The following CCR3 variants were observed in gnomAD, a reference collection of about 807,000 sequenced individuals.
The protein encoded by CCR3 is C-C chemokine receptor type 3.
For synonymous variants in CCR3, 203 were observed against 179.2 expected (o/e 1.13, Z -1.06); for missense variants, 419 against 437.5 (o/e 0.96, Z 0.38).
At chr3:46,239,524 C>T (rs1304145374), upstream of CCR3, among the ~76,000 whole-genome samples, 1 of 152,158 alleles carries the variant, frequency 6.6e-6, no homozygotes, top group Non-Finnish European at 1.5e-5. Context: ...CATAAATGGG[C>T]GAGGTGAACC....
chr3:46,219,521 G>A (rs890634786), intron 2 of CCR3, among the ~76,000 whole-genome samples: 1 of 151,994 alleles, frequency 6.6e-6, no homozygotes, highest in African/African-American at 2.4e-5. Flanking sequence ...AGCCCACAAA[G>A]CCAAAGCAAG....
intron 2 of CCR3, among the ~76,000 whole-genome samples, chr3:46,234,079 G>A (rs58697594): frequency 0.18 from 27,755 of 152,224 alleles, 3,192 homozygotes; most frequent in African/African-American, 0.31. Flanking sequence ...GCATCAGGCC[G>A]GCACTGCTCA....
At chr3:46,251,532 C>T (rs1003497400) in intron 1 of CCR3, among the ~76,000 whole-genome samples, 7 of 152,070 alleles carry the variant, frequency 4.6e-5, no homozygotes, top group Non-Finnish European at 1.0e-4. Context: ...GGATCTTTCT[C>T]ACGGAGCAAA....
At chr3:46,220,890 G>C (rs910444124) in intron 2 of CCR3, among the ~76,000 whole-genome samples, 1 of 152,116 alleles carries the variant, frequency 6.6e-6, no homozygotes, top group African/African-American at 2.4e-5. Context: ...AAGACTACAC[G>C]CTGGGTGCAG....
chr3:46,266,339 A>T lies in CCR3; in HGVS notation c.*113A>T. 1.5e-6 allele frequency: 1 copy of T among 667,844 alleles called. No homozygotes were observed. The highest frequency in any genetic ancestry group is 2.6e-6 in the Non-Finnish European group (1 of 381,230). 41.4% of individuals were successfully genotyped at this position (667,844 alleles called of 1,614,324 possible). On this transcript the variant is annotated 3_prime_UTR_variant, in exon 2 of 2. Coordinates refer to ENST00000395940, the MANE Select transcript of CCR3 (RefSeq NM_178329.3). ...CTTCAAACTTCCAGTGCAACACTGA[A>T]GCTCTTGAAGACACTGAAATATACA...
intron 2 of CCR3, among the ~76,000 whole-genome samples, chr3:46,215,558 G>A (rs1022109901): frequency 3.7e-4 from 56 of 152,220 alleles, no homozygotes; most frequent in Non-Finnish European, 7.3e-5. Context: ...CTGGGTGGGA[G>A]TCTGCATTTT....
chr3:46,253,351 A>T (rs1199535395), intron 1 of CCR3, among the ~76,000 whole-genome samples: 3 of 152,120 alleles, frequency 2.0e-5, no homozygotes, highest in Non-Finnish European at 4.4e-5. Flanking sequence ...GAGGCTTTGC[A>T]GGGAGTCACA....
chr3:46,231,832 A>G (rs1699969037), intron 2 of CCR3, among the ~76,000 whole-genome samples: 1 of 152,156 alleles, frequency 6.6e-6, no homozygotes, highest in Non-Finnish European at 1.5e-5. Flanking sequence ...CACCCCTCTT[A>G]TCTTGTTTCA....
At chr3:46,260,882 G>C (rs554385035) in intron 1 of CCR3, among the ~76,000 whole-genome samples, 22 of 152,264 alleles carry the variant, frequency 1.4e-4, no homozygotes, top group African/African-American at 5.3e-4. Flanking sequence ...ACAGAAAGAA[G>C]ACCAAATTCT....
chr3:46,225,328 A>G (rs1426310249), intron 2 of CCR3, among the ~76,000 whole-genome samples: 1 of 152,218 alleles, frequency 6.6e-6, no homozygotes, highest in African/African-American at 2.4e-5. Context: ...GCATTAACTC[A>G]TTAGGCATCT....
At chr3:46,254,085 A>G (rs1700369356) in intron 1 of CCR3, among the ~76,000 whole-genome samples, 1 of 152,224 alleles carries the variant, frequency 6.6e-6, no homozygotes, top group South Asian at 2.1e-4. Context: ...AAAGCCACTT[A>G]TAATTATGTA....
intron 2 of CCR3, among the ~76,000 whole-genome samples, chr3:46,221,717 G>T (rs71327040): frequency 0.062 from 9,376 of 152,118 alleles, 485 homozygotes; most frequent in South Asian, 0.25. Context: ...CTTCATTTTT[G>T]AGCTTGCTTT....
intron 1 of CCR3, chr3:46,264,424 G>T (rs1700580318): frequency 1.3e-6 from 2 of 1,528,538 alleles, no homozygotes; most frequent in East Asian, 2.5e-5. Flanking sequence ...GAATAAGAAT[G>T]CTGTTAAGAG....
In CCR3 at chr3:46,230,552, C is replaced by T. The variant is rs934994534; in HGVS notation, c.-67-11850C>T. Among the ~76,000 whole-genome samples, 6 of 152,098 alleles carry T rather than the reference C, an allele frequency of 3.9e-5. No homozygotes were observed. In the East Asian group the frequency reaches 7.7e-4, roughly 20 times the overall value. On this transcript the variant is annotated intron_variant, in intron 2 of 3. Transcript: ENST00000357422. ...TTTTTTGCTTGTGTGATCTTGGGCC[C>T]GTTGCTTAACAAACTCACCTCAGTG...
At chr3:46,243,980 G>A (rs1559531461) in intron 1 of CCR3, among the ~76,000 whole-genome samples, 1 of 152,048 alleles carries the variant, frequency 6.6e-6, no homozygotes, top group Admixed American at 6.5e-5. Flanking sequence ...TCTCCATATT[G>A]ATGGATGCTT....
At chr3:46,236,339 C>A (rs191756961) in intron 2 of CCR3, among the ~76,000 whole-genome samples, 1 of 152,212 alleles carries the variant, frequency 6.6e-6, no homozygotes, top group Non-Finnish European at 1.5e-5. Flanking sequence ...GGGAAGACAC[C>A]GGCTGCTGAG....
intron 1 of CCR3, among the ~76,000 whole-genome samples, chr3:46,242,963 G>GTATATATATATACACATATA (rs529496808): frequency 4.4e-4 from 38 of 86,284 alleles, no homozygotes; most frequent in Non-Finnish European, 6.4e-4. Flanking sequence ...ATATATATGT[G>GTATATATATATACACATATA]TATATATATA....
chr3:46,216,807 G>T (rs1699780282), intron 2 of CCR3, among the ~76,000 whole-genome samples: 1 of 152,130 alleles, frequency 6.6e-6, no homozygotes, highest in African/African-American at 2.4e-5. Context: ...AATGCTGAGA[G>T]AATTCACCAC....
chr3:46,231,827 C>T (rs1699969006), intron 2 of CCR3, among the ~76,000 whole-genome samples: 1 of 152,150 alleles, frequency 6.6e-6, no homozygotes, highest in Admixed American at 6.5e-5. Flanking sequence ...TCATCCACCC[C>T]TCTTATCTTG....
Sources: gnomAD v4.1 joint callset for allele counts (sites outside exome capture counted in the v4.1 genomes callset) on GRCh38, gnomAD v4.1.1 for gene constraint, MANE v1.5 for transcripts, NCBI Gene and HGNC (gene_info 2026-07-23, HGNC 2026-07-21) for gene names.